Variants in ADCK1 observed in about 807,000 individuals in gnomAD.
ADCK1 encodes aarF domain-containing protein kinase 1.
ADCK1 carries 41 observed loss-of-function variants against 52.3 expected under a neutral mutation model. The observed-to-expected ratio is 0.78, with a 90% CI of 0.61 to 1.02. The LOEUF (loss-of-function observed/expected upper bound fraction) is 1.02, where lower values mean the gene tolerates loss of function less well. Among genes scored for constraint, ADCK1 ranks in the 50% least tolerant of loss-of-function variants. The pLI, the probability that ADCK1 is intolerant of heterozygous loss-of-function variation, is 0.00. For missense variants in ADCK1, 658 were observed against 679.5 expected (o/e 0.97, Z 0.35); for synonymous variants, 250 against 274.6 (o/e 0.91, Z 0.89).
intron 6 of ADCK1, among the ~76,000 whole-genome samples, 173 bp from the exon 7 acceptor site, chr14:77,907,630 C>G (rs555600629): frequency 2.6e-4 from 40 of 152,334 alleles, no homozygotes; most frequent in African/African-American, 8.9e-4. Flanking sequence ...TAGCCAGCCT[C>G]CCTCTTGGCC....
At chr14:77,802,704 A>G (rs1256874583) in intron 1 of ADCK1, among the ~76,000 whole-genome samples, 1 of 152,158 alleles carries the variant, frequency 6.6e-6, no homozygotes, top group Non-Finnish European at 1.5e-5. Context: ...TAATCCCAGC[A>G]CTTTGGGAAG....
intron 9 of ADCK1, among the ~76,000 whole-genome samples, chr14:77,930,532 C>T (rs3783953): frequency 1.3e-5 from 2 of 151,896 alleles, no homozygotes; most frequent in Non-Finnish European, 2.9e-5. Flanking sequence ...CCAGAGTCGT[C>T]GAGTCCTGTG....
chr14:77,847,103 A>T (rs1302189765), intron 3 of ADCK1, among the ~76,000 whole-genome samples: 1 of 152,120 alleles, frequency 6.6e-6, no homozygotes, highest in Non-Finnish European at 1.5e-5. Context: ...TTCGCAGGTG[A>T]AAAGGAGAGT....
chr14:77,888,293 C>T (rs761290992), intron 5 of ADCK1, among the ~76,000 whole-genome samples: 4 of 151,950 alleles, frequency 2.6e-5, no homozygotes, highest in Non-Finnish European at 4.4e-5. Context: ...GGTATGAGCT[C>T]GAAGTGGAGA....
At chr14:77,853,343 C>T (rs2082352566) in intron 3 of ADCK1, among the ~76,000 whole-genome samples, 2 of 151,104 alleles carry the variant, frequency 1.3e-5, no homozygotes, top group Admixed American at 1.3e-4. Flanking sequence ...TGGTTTTGAA[C>T]TCCTGAGCTC....
intron 7 of ADCK1, among the ~76,000 whole-genome samples, chr14:77,922,921 G>A (rs1328672941): frequency 6.6e-6 from 1 of 152,188 alleles, no homozygotes; most frequent in Non-Finnish European, 1.5e-5. Context: ...CATCGAGGCA[G>A]GAACCACAGC....
chr14:77,801,420 T>C (rs1274025469), intron 1 of ADCK1, among the ~76,000 whole-genome samples: 9 of 152,230 alleles, frequency 5.9e-5, no homozygotes, highest in African/African-American at 2.2e-4. Flanking sequence ...GCATATTACT[T>C]TGTACACTGT....
chr14:77,851,378 A>G (rs2082281938), intron 3 of ADCK1, among the ~76,000 whole-genome samples: 1 of 152,018 alleles, frequency 6.6e-6, no homozygotes, highest in Non-Finnish European at 1.5e-5. Flanking sequence ...GGCCTCCCAA[A>G]GTGCTGGGAT....
At chr14:77,875,244 G>C (rs1219632073) in intron 4 of ADCK1, among the ~76,000 whole-genome samples, 1 of 152,132 alleles carries the variant, frequency 6.6e-6, no homozygotes, top group African/African-American at 2.4e-5. Flanking sequence ...GAGAGGTGTG[G>C]AGGAGGTGGA....
At chr14:77,811,673 G>A (rs1026760127) in intron 1 of ADCK1, among the ~76,000 whole-genome samples, 5 of 152,166 alleles carry the variant, frequency 3.3e-5, no homozygotes. Flanking sequence ...GCCAGACATG[G>A]TGGTTTGTGC....
intron 3 of ADCK1, among the ~76,000 whole-genome samples, chr14:77,834,997 A>G (rs572173945): frequency 1.3e-5 from 2 of 152,258 alleles, no homozygotes; most frequent in African/African-American, 4.8e-5. Context: ...GAAAACCTCC[A>G]GCAGTTTTCT....
At chr14:77,869,770 TTCTG>T (rs1456082042) in intron 4 of ADCK1, among the ~76,000 whole-genome samples, 5 of 152,198 alleles carry the variant, frequency 3.3e-5, no homozygotes, top group Non-Finnish European at 7.3e-5. Flanking sequence ...TCCCAGCAAC[TTCTG>T]TCTGTGGGTC....
At chr14:77,833,337 C>T (rs534071783) in intron 3 of ADCK1, among the ~76,000 whole-genome samples, 1 of 152,170 alleles carries the variant, frequency 6.6e-6, no homozygotes, top group African/African-American at 2.4e-5. Context: ...AAGCACTGTG[C>T]GTCTAGACCC....
chr14:77,807,229 C>T (rs1034367517), intron 1 of ADCK1, among the ~76,000 whole-genome samples: 12 of 151,752 alleles, frequency 7.9e-5, no homozygotes, highest in Middle Eastern at 3.4e-3. Flanking sequence ...CCACCACGCC[C>T]GGTTAATTTT....
chr14:77,884,920 A>G (rs1032222506), intron 4 of ADCK1, among the ~76,000 whole-genome samples: 3 of 152,114 alleles, frequency 2.0e-5, no homozygotes, highest in African/African-American at 7.2e-5. Flanking sequence ...TGCTTTTTCT[A>G]TTTTGGAAAG....
rs956431402 is a variant in ADCK1 at position 77,857,815 on chromosome 14, C to T, written c.220-1261C>T. 5.3e-5 allele frequency among the ~76,000 whole-genome samples: 8 copies of T among 152,312 alleles called. 1 individual carries two copies. The highest frequency in any genetic ancestry group is 4.1e-4 in the South Asian group (2 of 4,826). The stretch of plus-strand genomic sequence containing the variant: ...GCACTGAAGAGTATAAGTCCATCCT[C>T]GTGGTTCACTCTCTTGGTTGACTGA... On this transcript the variant is annotated intron_variant, in intron 3 of 10. Transcript: ENST00000238561.
chr14:77,874,430 G>T (rs1469479367), intron 4 of ADCK1, among the ~76,000 whole-genome samples: 3 of 152,178 alleles, frequency 2.0e-5, no homozygotes, highest in Non-Finnish European at 2.9e-5. Flanking sequence ...GTCAAGAGGA[G>T]AATGTACAGA....
intron 7 of ADCK1, among the ~76,000 whole-genome samples, chr14:77,913,334 C>T (rs1192742112): frequency 1.3e-5 from 2 of 152,242 alleles, no homozygotes; most frequent in African/African-American, 4.8e-5. Flanking sequence ...TGATCTGCAC[C>T]TCCAGGCCCG....
intron 1 of ADCK1, among the ~76,000 whole-genome samples, chr14:77,807,872 A>G (rs1676635217): frequency 6.6e-6 from 1 of 151,210 alleles, no homozygotes; most frequent in Admixed American, 6.6e-5. Flanking sequence ...TGAACTCCTG[A>G]CCTCAAGTGA....
Sources: allele counts gnomAD v4.1 joint callset (sites outside exome capture counted in the v4.1 genomes callset), GRCh38; gene constraint gnomAD v4.1.1; transcripts MANE v1.5; gene names NCBI Gene and HGNC (gene_info 2026-07-23, HGNC 2026-07-21).